NBPF11: variants seen among roughly 807,000 people sequenced by gnomAD.
NBPF11 encodes the protein NBPF member 11.
Under a neutral mutation model 93.9 loss-of-function variants are expected in NBPF11, and 72 were observed. That is an observed-to-expected ratio of 0.77 (90% CI 0.63 to 0.93). The LOEUF is 0.93. Among genes scored for constraint, NBPF11 ranks in the 40% least tolerant of loss-of-function variants. The pLI, the probability that NBPF11 is intolerant of heterozygous loss-of-function variation, is 0.00. For synonymous variants in NBPF11, 224 were observed against 304.9 expected (o/e 0.73, Z 2.76); for missense variants, 705 against 802.2 (o/e 0.88, Z 1.46).
At chr1:148,124,209 G>C (rs1668545190) in intron 6 of NBPF11, 142 bp from the exon 7 acceptor site, 1 of 662,832 alleles carries the variant, frequency 1.5e-6, no homozygotes, top group Non-Finnish European at 2.7e-6. Flanking sequence ...AATGTCTGTG[G>C]CCAAGAGAAA....
chr1:148,130,687 AT>A (rs1670178704), intron 4 of NBPF11, among the ~76,000 whole-genome samples: 1 of 151,368 alleles, frequency 6.6e-6, no homozygotes, highest in African/African-American at 2.4e-5. Context: ...CCACTTTAAA[AT>A]GTGTAATTCA....
chr1:148,139,097 A>G (rs1438103049), intron 2 of NBPF11, among the ~76,000 whole-genome samples: 16 of 151,690 alleles, frequency 1.1e-4, no homozygotes, highest in African/African-American at 3.4e-4. Context: ...ATCTCCAAAA[A>G]AAAAGATAAA....
At position 148,126,818 on chromosome 1, in the gene NBPF11, A is replaced by G. The variant is rs1669233114; in HGVS notation, c.175+11T>C. The G allele has an allele frequency of 6.3e-7, 1 of 1,592,814 alleles. No individual in the cohort carries two copies. The highest frequency in any genetic ancestry group is 1.7e-5 in the Admixed American group (1 of 59,954). On this transcript the variant is annotated intron_variant, in intron 5 of 23. Coordinates refer to ENST00000682118, the MANE Select transcript of NBPF11 (RefSeq NM_001385469.3). ...TCATCACTTTCATGATGGTGAGCCT[A>G]TAGATCTTACTGTATTTCTTCTGTC...
Position 148,103,833 on chromosome 1 carries a change from T to C in NBPF11, c.*63A>G, listed in dbSNP as rs1571400988. The stretch of plus-strand genomic sequence containing the variant: ...AATGAGTCAGGTAGTTCAAAGTACA[T>C]TGATGGAGTCGAATAATATCTATCC... On this transcript the variant is annotated 3_prime_UTR_variant, in exon 24 of 24. Transcript: ENST00000682118. The C allele has an allele frequency of 9.3e-6, 15 of 1,611,564 alleles. No individual in the cohort carries two copies. In the East Asian group the frequency reaches 2.7e-4, roughly 29 times the overall value.
intron 1 of NBPF11, among the ~76,000 whole-genome samples, chr1:148,148,050 G>A (rs1440663657): frequency 8.5e-5 from 13 of 152,182 alleles, no homozygotes; most frequent in African/African-American, 2.7e-4. Context: ...GGGGGCTCCT[G>A]CCTGTAGCAG....
intron 4 of NBPF11, among the ~76,000 whole-genome samples, chr1:148,132,383 C>G (rs1310422742): frequency 2.0e-5 from 3 of 147,816 alleles, no homozygotes; most frequent in Admixed American, 1.3e-4. Context: ...AACACATAAT[C>G]TTGATTTTCA....
In NBPF11 at chr1:148,108,483, A is replaced by G. The variant is rs587687023; in HGVS notation, c.2025T>C (p.Asp675=). ...QQRIGLAVDM[D]EIEKYQEVEE... is the part of the protein sequence containing the mutation. Reference sequence around the variant, plus strand: ...TCACCTTCATAGAAAGGTACTCACCATCCATGTCAACAGCCAAGCCAATAC... The same window carrying G: ...TCACCTTCATAGAAAGGTACTCACCGTCCATGTCAACAGCCAAGCCAATAC... Residue 675 remains aspartate, a splice_region_variant and synonymous_variant, in exon 18 of 24, where the codon GAT becomes GAC. Transcript: ENST00000682118. 5.6e-5 allele frequency: 86 copies of G among 1,548,992 alleles called. 1 individual carries two copies. The African/African-American group carries it at 1.0e-3, about 19-fold the overall frequency.
At position 148,103,441 on chromosome 1, in the gene NBPF11, C is replaced by T. The variant is rs1662754377; in HGVS notation, c.*455G>A. On this transcript the variant is annotated 3_prime_UTR_variant, in exon 24 of 24. Transcript: ENST00000682118. Reference sequence around the variant, plus strand: ...AATTAAAATGTCCGACTGATCACTCCCGGCATGTGCTGCACAGTTATGTGA... The same window carrying T: ...AATTAAAATGTCCGACTGATCACTCTCGGCATGTGCTGCACAGTTATGTGA... 9 of 676,526 alleles carry T rather than the reference C, an allele frequency of 1.3e-5. No homozygotes were observed. The highest frequency in any genetic ancestry group is 4.4e-4 in the Middle Eastern group (1 of 2,286). The allele number at this position is 676,526 out of a possible 1,614,324, so 41.9% of individuals were successfully genotyped here.
intron 3 of NBPF11, among the ~76,000 whole-genome samples, chr1:148,136,714 A>G (rs1338017856): frequency 1.3e-5 from 2 of 151,892 alleles, no homozygotes; most frequent in African/African-American, 4.9e-5. Context: ...ATTTTGAACT[A>G]GAATCACTGT....
chr1:148,129,139 T>C (rs1278278668), intron 4 of NBPF11, among the ~76,000 whole-genome samples: 1 of 143,978 alleles, frequency 6.9e-6, no homozygotes, highest in Non-Finnish European at 1.5e-5. Context: ...TATTTATATA[T>C]ACACATGTAT....
intron 19 of NBPF11, among the ~76,000 whole-genome samples, chr1:148,107,457 TA>T (rs1298513605): frequency 6.6e-6 from 1 of 151,042 alleles, no homozygotes; most frequent in Non-Finnish European, 1.5e-5. Context: ...TAATTTTCCA[TA>T]AACTTGCTCA....
intron 20 of NBPF11, among the ~76,000 whole-genome samples, chr1:148,106,526 G>C (rs1663659938): frequency 7.2e-6 from 1 of 138,404 alleles, no homozygotes; most frequent in Non-Finnish European, 1.5e-5. Flanking sequence ...AAATGCCCCA[G>C]AGGATTTCTA....
Position 148,110,321 on chromosome 1 carries a change from T to C in NBPF11, c.1801+57A>G, listed in dbSNP as rs1337771647. The stretch of plus-strand genomic sequence containing the variant: ...CCAGGGGCACAAGGCCCAAAGATTA[T>C]GGGGTCTACCTGGGCCATGAACTGG... On this transcript the variant is annotated intron_variant, in intron 16 of 23. Transcript: ENST00000682118. 5.1e-6 allele frequency: 8 copies of C among 1,561,100 alleles called. 1 individual carries two copies. In the East Asian group the frequency reaches 6.8e-5, roughly 13 times the overall value.
At chr1:148,146,452 G>A (rs1437633369) in intron 1 of NBPF11, 42 of 1,604,252 alleles carry the variant, frequency 2.6e-5, no homozygotes, top group Middle Eastern at 2.2e-4. Flanking sequence ...TCCCTGCCCC[G>A]GCCGCATCGC....
chr1:148,133,480 A>G (rs1670760776), intron 4 of NBPF11, among the ~76,000 whole-genome samples: 1 of 152,002 alleles, frequency 6.6e-6, no homozygotes, highest in Non-Finnish European at 1.5e-5. Context: ...ATGGGGTTGG[A>G]AGTGTTGCCT....
chr1:148,125,144 C>T (rs77423368), intron 5 of NBPF11, 143 bp from the exon 6 acceptor site: 3 of 829,588 alleles, frequency 3.6e-6, no homozygotes, highest in Admixed American at 2.5e-5. Context: ...CACATCTTTA[C>T]TCTTCAGTCT....
intron 11 of NBPF11, 67 bp downstream of exon 11, chr1:148,118,553 A>C (rs1667101677): frequency 6.6e-7 from 1 of 1,519,072 alleles, no homozygotes; most frequent in African/African-American, 1.4e-5. Context: ...ACGTCTCCCC[A>C]CTGAGCTACT....
chr1:148,134,747 C>G (rs1325166002), intron 4 of NBPF11, among the ~76,000 whole-genome samples: 2 of 151,834 alleles, frequency 1.3e-5, no homozygotes, highest in African/African-American at 4.9e-5. Context: ...CTGGTACAGC[C>G]TCACTCAATT....
At chr1:148,104,358 G>C (rs1328380941) in intron 23 of NBPF11, among the ~76,000 whole-genome samples, 179 bp downstream of exon 23, 2 of 147,194 alleles carry the variant, frequency 1.4e-5, no homozygotes, top group Non-Finnish European at 3.0e-5. Context: ...GTTAGTAAAT[G>C]ATAAGGGGAG....
Sources: gnomAD v4.1 joint callset for allele counts (sites outside exome capture counted in the v4.1 genomes callset) on GRCh38, gnomAD v4.1.1 for gene constraint, MANE v1.5 for transcripts, NCBI Gene and HGNC (gene_info 2026-07-23, HGNC 2026-07-21) for gene names.